Variants in UGT1A10 observed in about 807,000 individuals in gnomAD.
UGT1A10 encodes UDP-glucuronosyltransferase 1A10.
A neutral mutation model predicts 45.8 loss-of-function variants in UGT1A10; 49 were observed. That is an observed-to-expected ratio of 1.07 (90% CI 0.85 to 1.36). The LOEUF is 1.36. Ranked by LOEUF, UGT1A10 falls within the 40% of genes most tolerant of loss-of-function variation. The pLI is 0.00. For synonymous variants in UGT1A10, 284 were observed against 249.7 expected (o/e 1.14, Z -1.29); for missense variants, 745 against 668.6 (o/e 1.11, Z -1.26).
At chr2:233,639,846 T>C (rs1054580829) in intron 1 of UGT1A10, among the ~76,000 whole-genome samples, 5 of 152,276 alleles carry the variant, frequency 3.3e-5, no homozygotes, top group African/African-American at 1.2e-4. Flanking sequence ...TTCAGTATTC[T>C]AATGTGTGTG....
chr2:233,757,966 T>C (rs1008713784), intron 1 of UGT1A10, among the ~76,000 whole-genome samples: 4 of 152,150 alleles, frequency 2.6e-5, no homozygotes, highest in Admixed American at 6.5e-5. Context: ...GTGTGATTTC[T>C]CAGCCCCTAG....
At chr2:233,764,054 A>G (rs995386532) in intron 1 of UGT1A10, among the ~76,000 whole-genome samples, 2 of 152,188 alleles carry the variant, frequency 1.3e-5, no homozygotes, top group African/African-American at 2.4e-5. Flanking sequence ...GGAAAATGAA[A>G]TGCATTTGGG....
intron 1 of UGT1A10, among the ~76,000 whole-genome samples, chr2:233,739,549 T>C (rs1346005869): frequency 6.6e-6 from 1 of 152,244 alleles, no homozygotes; most frequent in Non-Finnish European, 1.5e-5. Context: ...AGCTTTAAGA[T>C]TTAATGACTG....
chr2:233,698,513 C>T (rs372475227), intron 1 of UGT1A10, among the ~76,000 whole-genome samples: 6 of 152,124 alleles, frequency 3.9e-5, no homozygotes, highest in Non-Finnish European at 5.9e-5. Context: ...ATCACATAAT[C>T]GGCAATACAT....
At chr2:233,683,286 A>G (rs915377782) in intron 1 of UGT1A10, among the ~76,000 whole-genome samples, 1 of 152,098 alleles carries the variant, frequency 6.6e-6, no homozygotes, top group African/African-American at 2.4e-5. Context: ...TAAGTTAAAG[A>G]TATCTTTACA....
intron 1 of UGT1A10, among the ~76,000 whole-genome samples, chr2:233,681,203 C>A (rs1163915623): frequency 6.6e-6 from 1 of 151,820 alleles, no homozygotes; most frequent in Non-Finnish European, 1.5e-5. Context: ...ACATGAGATG[C>A]CAATTTCTTT....
In UGT1A10 at chr2:233,691,037, G is replaced by A. The variant is rs45542536; in HGVS notation, c.855+53660G>A. The A allele has an allele frequency of 5.6e-5, 55 of 989,346 alleles. No individual in the cohort carries two copies. The African/African-American group carries it at 8.2e-4, about 15-fold the overall frequency. 61.3% of individuals were successfully genotyped at this position (989,346 alleles called of 1,614,324 possible). ...TGTGGTTGGAAGGGCTCAGACCAACGTCCACAGCAGAGTGGAGGTCTAGTA... is the reference window on the plus strand; with the variant it reads ...TGTGGTTGGAAGGGCTCAGACCAACATCCACAGCAGAGTGGAGGTCTAGTA... On this transcript the variant is annotated intron_variant, in intron 1 of 4. Coordinates refer to ENST00000344644, the MANE Select transcript of UGT1A10 (RefSeq NM_019075.4).
In UGT1A10 at chr2:233,767,157, C is replaced by T; in HGVS notation, c.979C>T (p.Pro327Ser). The T allele has an allele frequency of 3.1e-6, 5 of 1,614,012 alleles. No homozygotes were observed. Among genetic ancestry groups the T allele is most frequent in the Non-Finnish European group, 4.2e-6 (5 of 1,179,992 alleles). Reference protein sequence around the residue: ...MAIADALGKIPQTVLWRYTGT... With the variant: ...MAIADALGKISQTVLWRYTGT... ...AATTGCTGATGCTTTGGGCAAAATC[C>T]CTCAGACAGTAAGAAGATTCTATAC... The change falls in exon 2 of 5, where the codon CCT becomes TCT. Residue 327 changes from proline to serine, a missense_variant. Coordinates refer to ENST00000344644, the MANE Select transcript of UGT1A10 (RefSeq NM_019075.4).
At chr2:233,694,747 G>A (rs1243865745) in intron 1 of UGT1A10, among the ~76,000 whole-genome samples, 5 of 152,170 alleles carry the variant, frequency 3.3e-5, no homozygotes, top group Non-Finnish European at 7.4e-5. Flanking sequence ...ACAGTTGGCA[G>A]TAGCCACTGT....
chr2:233,757,077 A>G (rs1321535856), intron 1 of UGT1A10, among the ~76,000 whole-genome samples: 2 of 151,308 alleles, frequency 1.3e-5, no homozygotes, highest in Non-Finnish European at 2.9e-5. Context: ...CAGAATGGCT[A>G]GAGGGTAAGA....
Position 233,671,228 on chromosome 2 carries a change from G to A in UGT1A10, c.855+33851G>A, listed in dbSNP as rs190315061. On this transcript the variant is annotated intron_variant, in intron 1 of 4. Coordinates refer to ENST00000344644, the MANE Select transcript of UGT1A10 (RefSeq NM_019075.4). ...AGAGGCAGCTCAGCAGAGTGCTCTCGCAAGGATTGGGCGGGCAACTTCCCA... is the reference window on the plus strand; with the variant it reads ...AGAGGCAGCTCAGCAGAGTGCTCTCACAAGGATTGGGCGGGCAACTTCCCA... Among the ~76,000 whole-genome samples the A allele has an allele frequency of 2.0e-4, 31 of 152,308 alleles. 1 individual carries two copies. The highest frequency in any genetic ancestry group is 7.2e-4 in the African/African-American group (30 of 41,566).
intron 1 of UGT1A10, among the ~76,000 whole-genome samples, chr2:233,660,893 T>A (rs1345535887): frequency 3.3e-5 from 5 of 152,184 alleles, no homozygotes; most frequent in Admixed American, 6.6e-5. Flanking sequence ...TTGAGATTTT[T>A]AAAGTCAAAC....
At chr2:233,743,869 G>C (rs763783144) in intron 1 of UGT1A10, 3 of 1,367,140 alleles carry the variant, frequency 2.2e-6, no homozygotes, top group Non-Finnish European at 2.9e-6. Context: ...TGATGGCCTC[G>C]GATGAGGCCT....
At chr2:233,675,954 C>T (rs1396654712) in intron 1 of UGT1A10, among the ~76,000 whole-genome samples, 4 of 152,052 alleles carry the variant, frequency 2.6e-5, no homozygotes, top group African/African-American at 9.7e-5. Flanking sequence ...AAAATTTCCC[C>T]GGATTGTCTC....
chr2:233,675,530 C>G (rs903544612), intron 1 of UGT1A10, among the ~76,000 whole-genome samples: 2 of 152,106 alleles, frequency 1.3e-5, no homozygotes, highest in African/African-American at 2.4e-5. Context: ...GTGCTTCCCC[C>G]CTTGCTGTAA....
chr2:233,730,056 T>A, intron 1 of UGT1A10: 2 of 1,611,732 alleles, frequency 1.2e-6, no homozygotes, highest in Non-Finnish European at 8.5e-7. Context: ...AAAAATGTAT[T>A]TATTTAAAAT....
At position 233,662,860 on chromosome 2, in the gene UGT1A10, A is replaced by G. The variant is rs28948068; in HGVS notation, c.855+25483A>G. Reference sequence around the variant, plus strand: ...CAGATATGAATTTTGGACTCTGTCAAACACTTTTTCTGTAACTATTAAGAT... The same window carrying G: ...CAGATATGAATTTTGGACTCTGTCAGACACTTTTTCTGTAACTATTAAGAT... On this transcript the variant is annotated intron_variant, in intron 1 of 4. Transcript: ENST00000344644. 9.1e-3 allele frequency among the ~76,000 whole-genome samples: 1,391 copies of G among 152,044 alleles called. 10 individuals are homozygous for G. Among genetic ancestry groups the G allele is most frequent in the Admixed American group, 0.018 (280 of 15,254 alleles).
chr2:233,767,291 C>T (rs1383202700), intron 2 of UGT1A10, 126 bp downstream of exon 2: 1 of 1,553,770 alleles, frequency 6.4e-7, no homozygotes, highest in African/African-American at 1.4e-5. Context: ...CACTTCCCAA[C>T]TATTAATCCA....
chr2:233,729,775 C>A (rs775577941), intron 1 of UGT1A10: 2 of 1,613,944 alleles, frequency 1.2e-6, no homozygotes, highest in South Asian at 2.2e-5. Context: ...CATGCTCTAC[C>A]CTCTGGCCCT....
Sources: gnomAD v4.1 joint callset for allele counts (sites outside exome capture counted in the v4.1 genomes callset) on GRCh38, gnomAD v4.1.1 for gene constraint, MANE v1.5 for transcripts, NCBI Gene and HGNC (gene_info 2026-07-23, HGNC 2026-07-21) for gene names.